The following PATJ variants were observed in gnomAD, a reference collection of about 807,000 sequenced individuals.
The protein encoded by PATJ is PATJ crumbs cell polarity complex component.
Under a neutral mutation model 224.9 loss-of-function variants are expected in PATJ, and 190 were observed. The ratio of observed to expected loss-of-function variants is 0.84; its 90% confidence interval spans 0.75 to 0.95. The LOEUF is 0.95. PATJ is among the 40% of genes least tolerant of loss of function. PATJ has a pLI of 0.00. For synonymous variants in PATJ, 769 were observed against 820.3 expected, an observed-to-expected ratio of 0.94 and a Z score of 1.07; for missense variants, 2,121 against 2,270.3, an observed-to-expected ratio of 0.93 and a Z score of 1.34.
At chr1:62,043,222 G>C (rs899846605) in intron 30 of PATJ, among the ~76,000 whole-genome samples, 1 of 152,106 alleles carries the variant, frequency 6.6e-6, no homozygotes, top group African/African-American at 2.4e-5. Flanking sequence ...ATGAGGGCCA[G>C]GTGTAAAAAT....
At chr1:62,050,585 G>T (rs1237119093) in intron 30 of PATJ, among the ~76,000 whole-genome samples, 1 of 152,176 alleles carries the variant, frequency 6.6e-6, no homozygotes, top group Non-Finnish European at 1.5e-5. Flanking sequence ...GACTAAAGAA[G>T]AACTTTTCCA....
intron 31 of PATJ, among the ~76,000 whole-genome samples, chr1:62,061,962 C>T (rs1229433980): frequency 6.6e-6 from 1 of 152,144 alleles, no homozygotes; most frequent in Non-Finnish European, 1.5e-5. Context: ...CCAAGACTTA[C>T]ACCACATTTT....
intron 27 of PATJ, among the ~76,000 whole-genome samples, chr1:61,980,105 G>A (rs950596334): frequency 5.9e-5 from 9 of 152,008 alleles, no homozygotes; most frequent in Admixed American, 2.0e-4. Context: ...GTTATGTAGG[G>A]TGTACTGAAT....
chr1:62,080,283 G>A (rs1659056158), intron 32 of PATJ, among the ~76,000 whole-genome samples: 1 of 152,082 alleles, frequency 6.6e-6, no homozygotes, highest in African/African-American at 2.4e-5. Context: ...TATGCTGACT[G>A]GGGGTTGAAA....
intron 31 of PATJ, among the ~76,000 whole-genome samples, chr1:62,071,662 A>T (rs1657440750): frequency 1.3e-5 from 2 of 151,928 alleles, no homozygotes; most frequent in African/African-American, 4.8e-5. Flanking sequence ...TTGTATTTTT[A>T]GTACAGACGG....
At chr1:61,824,709 GC>G (rs1657928101) in intron 15 of PATJ, among the ~76,000 whole-genome samples, 1 of 152,132 alleles carries the variant, frequency 6.6e-6, no homozygotes, top group Non-Finnish European at 1.5e-5. Flanking sequence ...ACAGTCATTA[GC>G]CACCATGCCT....
chr1:61,852,040 G>A (rs1027861755), intron 17 of PATJ, among the ~76,000 whole-genome samples: 18 of 150,576 alleles, frequency 1.2e-4, no homozygotes, highest in African/African-American at 3.4e-4. Context: ...TGGGAGTGAC[G>A]GCACACACCT....
At chr1:61,892,846 T>C (rs1395270970) in intron 22 of PATJ, among the ~76,000 whole-genome samples, 1 of 152,156 alleles carries the variant, frequency 6.6e-6, no homozygotes, top group Non-Finnish European at 1.5e-5. Context: ...GTCCATAGTT[T>C]AGATTAGGTT....
chr1:61,782,676 A>C (rs1416024003), intron 7 of PATJ, among the ~76,000 whole-genome samples: 1 of 152,240 alleles, frequency 6.6e-6, no homozygotes, highest in Non-Finnish European at 1.5e-5. Context: ...ATTCTATGAT[A>C]TTAAAAGGGT....
chr1:62,150,817 A>G (rs1035266269), intron 42 of PATJ, among the ~76,000 whole-genome samples: 3 of 31,292 alleles, frequency 9.6e-5, no homozygotes, highest in Admixed American at 3.2e-4. Context: ...CTGTGTTTAT[A>G]AAAAAATGTA....
At chr1:61,831,644 C>T (rs1386304250) in intron 16 of PATJ, among the ~76,000 whole-genome samples, 2 of 152,144 alleles carry the variant, frequency 1.3e-5, no homozygotes, top group African/African-American at 4.8e-5. Flanking sequence ...CATCTCATAC[C>T]AGTCACAATG....
rs1659933762 is a variant in PATJ at position 62,086,092 on chromosome 1, G to C, written c.4377+1444G>C. On this transcript the variant is annotated intron_variant, in intron 33 of 43. Transcript: ENST00000642238. This position sits in a 1 kb window ranked among gnomAD's most constrained non-coding sequence, Gnocchi z 4.0. ...GCCTCCCAAAATGCTGCAATTACAG[G>C]CATGAGCCACTGTGCCTGGCCAGGA... is the stretch of plus-strand genomic sequence containing the variant. Among the ~76,000 whole-genome samples the C allele has an allele frequency of 6.6e-6, 1 of 151,970 alleles. No individual in the cohort carries two copies. The highest frequency in any genetic ancestry group is 1.5e-5 in the Non-Finnish European group (1 of 68,008).
At chr1:61,890,026 C>T (rs549691902) in intron 22 of PATJ, among the ~76,000 whole-genome samples, 1 of 152,222 alleles carries the variant, frequency 6.6e-6, no homozygotes, top group South Asian at 2.1e-4. Context: ...CTAGGGGGGA[C>T]ATGGACATTT....
intron 14 of PATJ, 139 bp downstream of exon 14, chr1:61,808,669 G>A: frequency 1.8e-6 from 1 of 570,922 alleles, no homozygotes; most frequent in Non-Finnish European, 3.1e-6. Flanking sequence ...AGGATTACAG[G>A]TGGAGCCACT....
chr1:62,038,549 G>A (rs4915602), intron 30 of PATJ: 94,171 of 160,108 alleles, frequency 0.59, 28,478 homozygotes, highest in African/African-American at 0.72. Flanking sequence ...TTCTCTTCTC[G>A]TTTTATATTA....
chr1:62,034,799 T>TA (rs1159244198), intron 29 of PATJ, among the ~76,000 whole-genome samples: 1 of 152,188 alleles, frequency 6.6e-6, no homozygotes, highest in East Asian at 1.9e-4. Context: ...TAAAGGCCAT[T>TA]AAAGTCATAC....
At chr1:61,841,612 T>G (rs1392517246) in intron 17 of PATJ, among the ~76,000 whole-genome samples, 2 of 151,198 alleles carry the variant, frequency 1.3e-5, no homozygotes, top group Middle Eastern at 3.2e-3. Context: ...TTTTTTTTTT[T>G]GGGAGCTCTT....
At chr1:61,876,106 G>A (rs1418385509) in intron 21 of PATJ, among the ~76,000 whole-genome samples, 1 of 152,124 alleles carries the variant, frequency 6.6e-6, no homozygotes, top group Non-Finnish European at 1.5e-5. Flanking sequence ...GTTGTAAGGG[G>A]AGAGAGGGCT....
chr1:61,945,357 G>A (rs1372634782), intron 27 of PATJ, among the ~76,000 whole-genome samples: 1 of 151,810 alleles, frequency 6.6e-6, no homozygotes, highest in Non-Finnish European at 1.5e-5. Flanking sequence ...ACACACATAG[G>A]CTCAAAATAA....
Sources: gnomAD v4.1 joint callset for allele counts (sites outside exome capture counted in the v4.1 genomes callset) on GRCh38, gnomAD v4.1.1 for gene constraint, Gnocchi (gnomAD v3.1) non-coding constraint, MANE v1.5 for transcripts, NCBI Gene and HGNC (gene_info 2026-07-23, HGNC 2026-07-21) for gene names.